DNMBP: variants seen among roughly 807,000 people sequenced by gnomAD.
DNMBP encodes the protein dynamin binding protein.
Under a neutral mutation model 150.0 loss-of-function variants are expected in DNMBP, and 87 were observed. That is an observed-to-expected ratio of 0.58 (90% CI 0.49 to 0.69). DNMBP has a LOEUF of 0.69. DNMBP is among the 30% of genes least tolerant of loss of function. The pLI is 0.00. For missense variants in DNMBP, 1,774 were observed against 1,949.0 expected (o/e 0.91, Z 1.69); for synonymous variants, 711 against 750.4 (o/e 0.95, Z 0.86).
intron 1 of DNMBP, among the ~76,000 whole-genome samples, chr10:99,999,871 T>C (rs1460880542): frequency 6.6e-6 from 1 of 152,070 alleles, no homozygotes; most frequent in Non-Finnish European, 1.5e-5. Context: ...GAGTTTAAAA[T>C]TTACTGGGAG....
At chr10:99,930,819 G>A (rs2040147207) in intron 4 of DNMBP, 2 of 611,938 alleles carry the variant, frequency 3.3e-6, no homozygotes, top group Non-Finnish European at 2.9e-6. Flanking sequence ...GCCTGGGCTG[G>A]GCTGTGGACA....
rs550457345 is a variant in DNMBP, at chr10:99,913,952, C to A, written c.2261-4806G>T. 8 of 1,388,076 alleles carry A rather than the reference C, an allele frequency of 5.8e-6. No individual in the cohort carries two copies. In the African/African-American group the frequency reaches 8.9e-5, roughly 15 times the overall value. The allele number at this position is 1,388,076 out of a possible 1,614,324, so 86.0% of individuals were successfully genotyped here. On this transcript the variant is annotated intron_variant, in intron 4 of 16. Transcript: ENST00000324109. ...GCTGGCTCCCACACCCCAGGACCTACCTGCAGTGCCCAGAGCTGGCTGTGT... is the reference window on the plus strand; with the variant it reads ...GCTGGCTCCCACACCCCAGGACCTAACTGCAGTGCCCAGAGCTGGCTGTGT...
chr10:99,963,354 G>C (rs1247491616), intron 3 of DNMBP, among the ~76,000 whole-genome samples: 1 of 150,736 alleles, frequency 6.6e-6, no homozygotes, highest in African/African-American at 2.4e-5. Context: ...TAAAGGTGTG[G>C]GTCACCATAT....
rs982024697 is a variant in DNMBP at position 99,899,933 on chromosome 10, G to A, written c.2688C>T (p.Ser896=). The change falls in exon 7 of 17, where the codon TCC becomes TCT. Residue 896 remains serine, a synonymous_variant. Transcript: ENST00000324109. ...AAAACTCCTACTTCAGATCTGCCAA[G>A]GAGTCCTGAAGATGCTTCTGGATCT... The part of the protein sequence containing the change: ...DEKIQKHLQD[S]LADLKSLYNE... 1 of 1,614,120 alleles carries A rather than the reference G, an allele frequency of 6.2e-7. No homozygotes were observed. The highest frequency in any genetic ancestry group is 8.5e-7 in the Non-Finnish European group (1 of 1,180,026).
rs752053758 is a variant in DNMBP at position 99,888,887 on chromosome 10, G to A, written c.3223C>T (p.Arg1075Trp). 2.0e-5 allele frequency: 33 copies of A among 1,613,968 alleles called. No individual in the cohort carries two copies. The highest frequency in any genetic ancestry group is 8.3e-5 in the Admixed American group (5 of 59,988). Residue 1075 changes from arginine to tryptophan, a missense_variant, in exon 12 of 17, where the codon CGG (arginine) becomes TGG (tryptophan). This residue lies in a region of DNMBP where 1,430 missense variants were observed against 1,492.5 expected (regional missense o/e 0.96). Transcript: ENST00000324109. The stretch of plus-strand genomic sequence containing the variant: ...ACCCTCTCAAACTGCTCCAGGTCCC[G>A]GTGTCCTCTCTCCATGCACACATCC... ...MWDVCMERGH[R>W]DLEQFERVHR...
At position 99,969,595 on chromosome 10, in the gene DNMBP, C is replaced by T. The variant is rs370851877; in HGVS notation, c.146-358G>A. 1.8e-4 allele frequency among the ~76,000 whole-genome samples: 28 copies of T among 152,242 alleles called. No homozygotes were observed. The South Asian group carries it at 5.2e-3, about 28-fold the overall frequency. ...TCAATCCTGAAATCTGGTATCATAA[C>T]GTAAGTACACAAATTGTTACGGAAG... On this transcript the variant is annotated intron_variant, in intron 2 of 16. Transcript: ENST00000324109.
rs761878773 is a variant in DNMBP, at chr10:99,955,348, C to T, written c.2126G>A (p.Ser709Asn). 1.9e-6 allele frequency: 3 copies of T among 1,614,204 alleles called. No homozygotes were observed. The highest frequency in any genetic ancestry group is 1.7e-6 in the Non-Finnish European group (2 of 1,180,036). The change falls in exon 4 of 17, where the codon AGT becomes AAT. Residue 709 changes from serine (S) to asparagine (N), a missense_variant. Physicochemically the swap from Ser to Asn is conservative, Grantham distance 46. This residue lies in a region of DNMBP where 1,430 missense variants were observed against 1,492.5 expected (regional missense o/e 0.96). Coordinates refer to ENST00000324109, the MANE Select transcript of DNMBP (RefSeq NM_015221.4). Reference protein sequence around the residue: ...EEMERDLDMYSRAQEELNLML... With the variant: ...EEMERDLDMYNRAQEELNLML... ...GAGGTTTAGCTCTTCTTGAGCTCTA[C>T]TGTACATATCCAAGTCCCGCTCCAT...
intron 4 of DNMBP, among the ~76,000 whole-genome samples, chr10:99,915,884 T>C (rs12767930): frequency 0.45 from 68,139 of 152,054 alleles, 15,512 homozygotes; most frequent in African/African-American, 0.47. Flanking sequence ...GAGCTGAGAT[T>C]TCAACCTACC....
At position 99,934,789 on chromosome 10, in the gene DNMBP, T is replaced by C. The variant is rs551167461; in HGVS notation, c.2260+20425A>G. On this transcript the variant is annotated intron_variant, in intron 4 of 16. Coordinates refer to ENST00000324109, the MANE Select transcript of DNMBP (RefSeq NM_015221.4). ...GATGGTGGGAATTGGACCAGGGTCGTAGCATAGAGCAATTAGTAGAAGGAA... is the reference window on the plus strand; with the variant it reads ...GATGGTGGGAATTGGACCAGGGTCGCAGCATAGAGCAATTAGTAGAAGGAA... Among the ~76,000 whole-genome samples, 2 of 127,054 alleles carry C rather than the reference T, an allele frequency of 1.6e-5. 1 individual carries two copies. The highest frequency in any genetic ancestry group is 4.2e-4 in the East Asian group (2 of 4,790). The allele number at this position is 127,054 out of a possible 152,430, so 83.4% of individuals were successfully genotyped here.
intron 1 of DNMBP, among the ~76,000 whole-genome samples, chr10:99,998,451 A>G (rs1034062251): frequency 6.6e-6 from 1 of 151,646 alleles, no homozygotes; most frequent in African/African-American, 2.4e-5. Context: ...ATAGTGGCAC[A>G]CGCCTGTAAT....
At chr10:99,910,891 T>C (rs1036176351) in intron 4 of DNMBP, among the ~76,000 whole-genome samples, 3 of 152,174 alleles carry the variant, frequency 2.0e-5, no homozygotes, top group Admixed American at 2.0e-4. Flanking sequence ...AGAAAACTCT[T>C]TGTTATGGTA....
At chr10:99,974,130 T>C (rs937647482) in intron 1 of DNMBP, among the ~76,000 whole-genome samples, 2 of 148,288 alleles carry the variant, frequency 1.3e-5, no homozygotes, top group Non-Finnish European at 3.0e-5. Context: ...CTCTATTTTA[T>C]AAAAAAAAAA....
Position 99,956,929 on chromosome 10 carries a change from C to A in DNMBP, c.545G>T (p.Trp182Leu). ...ITIIGVPEPG[W>L]FEGELEGRRG... The stretch of plus-strand genomic sequence containing the variant: ...TCGGCCCTCTAACTCCCCTTCAAAC[C>A]AGCCTGGTTCAGGAACTCCAATAAT... Residue 182 changes from tryptophan to leucine, a missense_variant, in exon 4 of 17, where the codon TGG becomes TTG. This residue lies in a region of DNMBP where 344 missense variants were observed against 456.6 expected (regional missense o/e 0.75). Transcript: ENST00000324109. 6.2e-7 allele frequency: 1 copy of A among 1,614,234 alleles called. No individual in the cohort carries two copies. The highest frequency in any genetic ancestry group is 8.5e-7 in the Non-Finnish European group (1 of 1,180,042).
chr10:99,902,045 C>G (rs1416775004), intron 6 of DNMBP, among the ~76,000 whole-genome samples: 2 of 151,548 alleles, frequency 1.3e-5, no homozygotes, highest in Admixed American at 1.3e-4. Context: ...TGGGACACCA[C>G]CACACCTGCT....
intron 4 of DNMBP, chr10:99,930,441 T>C: frequency 1.4e-6 from 1 of 703,044 alleles, no homozygotes. Context: ...GAGACTCTCA[T>C]AATCTACATT....
intron 3 of DNMBP, among the ~76,000 whole-genome samples, chr10:99,963,387 AT>A (rs1318679434): frequency 1.3e-5 from 2 of 151,694 alleles, no homozygotes; most frequent in African/African-American, 4.8e-5. Context: ...CCCCTGTTTT[AT>A]AGCCCTGTTA....
chr10:99,972,506 A>G (rs763031349), intron 1 of DNMBP, among the ~76,000 whole-genome samples: 1 of 152,206 alleles, frequency 6.6e-6, no homozygotes, highest in Admixed American at 6.5e-5. Context: ...CCTGGGCTGA[A>G]GCAATCTGCC....
At chr10:99,891,895 C>T in intron 11 of DNMBP, among the ~76,000 whole-genome samples, 1 of 148,920 alleles carries the variant, frequency 6.7e-6, no homozygotes, top group Non-Finnish European at 1.5e-5. Context: ...AGCGTCTCTG[C>T]CGCCCCGTCC....
At chr10:99,930,571 C>T in intron 4 of DNMBP, 1 of 702,876 alleles carries the variant, frequency 1.4e-6, no homozygotes, top group South Asian at 1.5e-5. Context: ...TATCCACAAT[C>T]CCTTTTTCTG....
Sources: gnomAD v4.1 joint callset for allele counts (sites outside exome capture counted in the v4.1 genomes callset) on GRCh38, gnomAD v4.1.1 for gene constraint, gnomAD v4.1.1 regional missense constraint, MANE v1.5 for transcripts, NCBI Gene and HGNC (gene_info 2026-07-23, HGNC 2026-07-21) for gene names.